NEIL3: variants seen among roughly 807,000 people sequenced by gnomAD.
The protein encoded by NEIL3 is endonuclease 8-like 3.
Under a neutral mutation model 57.5 loss-of-function variants are expected in NEIL3, and 48 were observed. The ratio of observed to expected loss-of-function variants is 0.83; its 90% CI spans 0.66 to 1.06. The LOEUF (loss-of-function observed/expected upper bound fraction) is 1.06, where lower values mean the gene tolerates loss of function less well. NEIL3 is among the 50% of genes least tolerant of loss of function. The pLI, the probability that NEIL3 is intolerant of heterozygous loss-of-function variation, is 0.00. For missense variants in NEIL3, 717 were observed against 739.1 expected (o/e 0.97, Z 0.35); for synonymous variants, 261 against 253.2 (o/e 1.03, Z -0.29).
intron 9 of NEIL3, among the ~76,000 whole-genome samples, chr4:177,361,801 A>AT (rs1264508014): frequency 4.0e-5 from 6 of 151,708 alleles, no homozygotes; most frequent in Admixed American, 1.3e-4. Flanking sequence ...TTGTTGTTTG[A>AT]TTTTTTTAGA....
At chr4:177,355,971 G>A (rs1458983740) in intron 8 of NEIL3, among the ~76,000 whole-genome samples, 1 of 152,060 alleles carries the variant, frequency 6.6e-6, no homozygotes, top group Admixed American at 6.6e-5. Flanking sequence ...TAACTGACTG[G>A]ATAAATCCAC....
At chr4:177,355,538 C>G (rs1258024109) in intron 8 of NEIL3, among the ~76,000 whole-genome samples, 1 of 151,914 alleles carries the variant, frequency 6.6e-6, no homozygotes, top group Non-Finnish European at 1.5e-5. Flanking sequence ...TATTTTCGAT[C>G]CAAGGTTGGT....
Position 177,344,319 on chromosome 4 carries a change from A to T in NEIL3, c.869+2677A>T, listed in dbSNP as rs372259525. Among the ~76,000 whole-genome samples the T allele has an allele frequency of 2.3e-4, 35 of 152,278 alleles. No homozygotes were observed. In the South Asian group the frequency reaches 7.3e-3, roughly 32 times the overall value. On this transcript the variant is annotated intron_variant, in intron 6 of 9. Transcript: ENST00000264596. ...ATTTTTCTGTGAATAAGTACATCCC[A>T]TTTATTTTCTGGATGAGTATTTGAT...
At chr4:177,340,169 A>G (rs780626188) in intron 5 of NEIL3, among the ~76,000 whole-genome samples, 2 of 152,220 alleles carry the variant, frequency 1.3e-5, no homozygotes, top group Non-Finnish European at 2.9e-5. Flanking sequence ...AGGCTGACCT[A>G]CAGTAACACT....
At chr4:177,336,787 C>T (rs530206401) in intron 4 of NEIL3, among the ~76,000 whole-genome samples, 57 of 152,282 alleles carry the variant, frequency 3.7e-4, no homozygotes, top group African/African-American at 1.3e-3. Flanking sequence ...TAACTCACAA[C>T]TTATTTTCTC....
At chr4:177,317,238 A>G (rs1195715524) in intron 1 of NEIL3, among the ~76,000 whole-genome samples, 1 of 152,200 alleles carries the variant, frequency 6.6e-6, no homozygotes. Flanking sequence ...ATCATATTGT[A>G]TGTTGTTTTT....
chr4:177,356,852 C>A (rs1376965778), intron 8 of NEIL3: 1 of 152,092 alleles, frequency 6.6e-6, no homozygotes, highest in East Asian at 1.9e-4. Context: ...GTTGTCGATC[C>A]AATTACTGTA....
chr4:177,351,769 A>G (rs975794924), intron 7 of NEIL3, among the ~76,000 whole-genome samples: 2 of 152,188 alleles, frequency 1.3e-5, no homozygotes, highest in African/African-American at 2.4e-5. Context: ...CTATAACAGT[A>G]TGTGCCTTTG....
At chr4:177,319,470 A>C (rs964305812) in intron 1 of NEIL3, among the ~76,000 whole-genome samples, 10 of 152,106 alleles carry the variant, frequency 6.6e-5, no homozygotes, top group Non-Finnish European at 1.5e-5. Flanking sequence ...TTTTAATTAC[A>C]GTAGGCTTTT....
At chr4:177,321,640 C>A (rs187445105) in intron 1 of NEIL3, among the ~76,000 whole-genome samples, 17 of 152,082 alleles carry the variant, frequency 1.1e-4, no homozygotes, top group Admixed American at 2.0e-4. Flanking sequence ...TAGGATTCTG[C>A]CTATATGTTG....
intron 8 of NEIL3, among the ~76,000 whole-genome samples, chr4:177,355,156 G>C (rs1420901863): frequency 6.6e-6 from 1 of 152,036 alleles, no homozygotes. Flanking sequence ...TTTTCCTTCA[G>C]AAAGCAGCTG....
the NEIL3 span, among the ~76,000 whole-genome samples, chr4:177,368,343 A>C: frequency 6.6e-6 from 1 of 152,204 alleles, no homozygotes; most frequent in Non-Finnish European, 1.5e-5. Context: ...TTCTAAAGGT[A>C]CTTATCATTG....
intron 8 of NEIL3, among the ~76,000 whole-genome samples, chr4:177,355,935 G>C (rs1735465366): frequency 1.3e-5 from 2 of 151,978 alleles, no homozygotes; most frequent in African/African-American, 4.8e-5. Flanking sequence ...ACTCACATTT[G>C]AAGTAAGCTA....
intron 1 of NEIL3, among the ~76,000 whole-genome samples, chr4:177,319,715 G>A (rs1256501348): frequency 6.6e-6 from 1 of 152,120 alleles, no homozygotes; most frequent in African/African-American, 2.4e-5. Flanking sequence ...GCACAGGAGT[G>A]GCAGTAGTAG....
chr4:177,364,928 A>C (rs1278626096), downstream of NEIL3, among the ~76,000 whole-genome samples: 3 of 148,208 alleles, frequency 2.0e-5, no homozygotes, highest in African/African-American at 7.4e-5. Context: ...CTCTGTCTCA[A>C]AAAAAAAAAA....
At position 177,309,934 on chromosome 4, in the gene NEIL3, C is replaced by T; in HGVS notation, c.-20C>T. On this transcript the variant is annotated 5_prime_UTR_variant, in exon 1 of 10. Transcript: ENST00000264596. ...CTCACCAGGCCCTGCAATCGGTGGG[C>T]CACAGTGCCGGCCACAGAGATGGTG... 1.9e-6 allele frequency: 3 copies of T among 1,602,274 alleles called. No homozygotes were observed. Among genetic ancestry groups the T allele is most frequent in the Non-Finnish European group, 2.6e-6 (3 of 1,175,264 alleles).
chr4:177,347,974 A>G (rs1459457330), intron 6 of NEIL3, among the ~76,000 whole-genome samples: 1 of 152,224 alleles, frequency 6.6e-6, no homozygotes, highest in African/African-American at 2.4e-5. Flanking sequence ...CACCAACAAT[A>G]TCATTACATC....
chr4:177,353,380 G>T lies in NEIL3; in HGVS notation c.1112G>T (p.Gly371Val). The T allele has an allele frequency of 6.2e-7, 1 of 1,613,690 alleles. No individual in the cohort carries two copies. The highest frequency in any genetic ancestry group is 1.1e-5 in the South Asian group (1 of 91,046). The part of the protein sequence containing the change: ...HLMKYPCNTF[G>V]KPHTEVKINR... ...ATGAAGTACCCGTGTAATACTTTTG[G>T]AAAACCTCATACAGAAGTCAAGATC... The change falls in exon 8 of 10, where the codon GGA (glycine) becomes GTA (valine). Residue 371 changes from glycine (G) to valine (V), a missense_variant. Gly to Val is a moderately radical substitution (Grantham distance 109, BLOSUM62 -3). Coordinates refer to ENST00000264596, the MANE Select transcript of NEIL3 (RefSeq NM_018248.3).
In NEIL3 at chr4:177,360,592, G is replaced by T; in HGVS notation, c.1550G>T (p.Arg517Leu). ...AAACACAACCGCCTCTGCATTCTCC[G>T]AGTTGTGGGGAAGGATGGGGAAAAC... ...CSKHNRLCILRVVGKDGENKG... is the reference protein window; with the variant it reads ...CSKHNRLCILLVVGKDGENKG... The change falls in exon 9 of 10, where the codon CGA (arginine) becomes CTA (leucine). Residue 517 changes from arginine (R) to leucine (L), a missense_variant. Coordinates refer to ENST00000264596, the MANE Select transcript of NEIL3 (RefSeq NM_018248.3). 6.2e-7 allele frequency: 1 copy of T among 1,614,040 alleles called. No homozygotes were observed. The highest frequency in any genetic ancestry group is 1.6e-4 in the Middle Eastern group (1 of 6,062).
Sources: allele counts gnomAD v4.1 joint callset (sites outside exome capture counted in the v4.1 genomes callset), GRCh38; gene constraint gnomAD v4.1.1; transcripts MANE v1.5; gene names NCBI Gene and HGNC (gene_info 2026-07-23, HGNC 2026-07-21).